The following ADAR variants were observed in gnomAD, a reference collection of about 807,000 sequenced individuals.
ADAR encodes double-stranded RNA-specific adenosine deaminase.
A neutral mutation model predicts 113.2 loss-of-function variants in ADAR; 41 were observed. The ratio of observed to expected loss-of-function variants is 0.36; its 90% CI spans 0.28 to 0.47. The LOEUF (loss-of-function observed/expected upper bound fraction) is 0.47. Among genes scored for constraint, ADAR ranks in the 20% least tolerant of loss-of-function variants. The pLI is 1.00. For synonymous variants in ADAR, 605 were observed against 572.6 expected, an observed-to-expected ratio of 1.06 and a Z score of -0.81; for missense variants, 1,242 against 1,540.9, an observed-to-expected ratio of 0.81 and a Z score of 3.25.
chr1:154,608,492 C>CTTGTTTTTT (rs1698350191), upstream of ADAR, among the ~76,000 whole-genome samples: 1 of 65,762 alleles, frequency 1.5e-5, no homozygotes, highest in African/African-American at 5.8e-5. Flanking sequence ...TCACTCCTGG[C>CTTGTTTTTT]TTTTTTTTTT....
At chr1:154,610,494 A>C (rs6699825), upstream of ADAR, among the ~76,000 whole-genome samples, 2 of 151,930 alleles carry the variant, frequency 1.3e-5, no homozygotes, top group African/African-American at 4.8e-5. Flanking sequence ...AGGCAAAACC[A>C]AACTATAGTA....
At position 154,597,956 on chromosome 1, in the gene ADAR, G is replaced by A. The variant is rs757296904; in HGVS notation, c.1806C>T (p.Pro602=). 21 of 1,613,954 alleles carry A rather than the reference G, an allele frequency of 1.3e-5. No homozygotes were observed. The highest frequency in any genetic ancestry group is 5.0e-5 in the Admixed American group (3 of 59,996). The part of the protein sequence containing the change: ...ESEKTAESQT[P]TPSATSFFSG... ...AAAAGAAGGATGTGGCTGAAGGGGT[G>A]GGGGTCTGGGACTCTGCAGTCTAGA... The change falls in exon 4 of 15, where the codon CCC becomes CCT. Residue 602 remains proline, a synonymous_variant. Transcript: ENST00000368474.
intron 1 of ADAR, among the ~76,000 whole-genome samples, chr1:154,625,643 G>T (rs1698911211): frequency 6.6e-6 from 1 of 152,204 alleles, no homozygotes; most frequent in African/African-American, 2.4e-5. Flanking sequence ...CAGATCACTT[G>T]AGGTCAGGAG....
intron 2 of ADAR, among the ~76,000 whole-genome samples, chr1:154,598,804 G>A (rs1310588619): frequency 6.6e-6 from 1 of 152,196 alleles, no homozygotes; most frequent in East Asian, 1.9e-4. Context: ...ATAGCTCAGT[G>A]AAGCAAACAT....
At chr1:154,617,429 C>T (rs182355765) in intron 1 of ADAR, among the ~76,000 whole-genome samples, 46 of 152,216 alleles carry the variant, frequency 3.0e-4, no homozygotes, top group African/African-American at 1.1e-3. Context: ...GGATTCTGCA[C>T]GAAAGTGACC....
chr1:154,600,630 C>T (rs34651139), intron 2 of ADAR: 3,333 of 275,416 alleles, frequency 0.012, 31 homozygotes, highest in South Asian at 0.018. Context: ...CACGCCACCA[C>T]GCCCAGCTAA....
chr1:154,599,402 C>T (rs547503391), intron 2 of ADAR, among the ~76,000 whole-genome samples: 2 of 152,350 alleles, frequency 1.3e-5, no homozygotes, highest in African/African-American at 4.8e-5. Flanking sequence ...AAATCCACTG[C>T]TTTCCTCCAA....
chr1:154,604,090 T>C (rs1291270004), intron 1 of ADAR, among the ~76,000 whole-genome samples: 1 of 152,224 alleles, frequency 6.6e-6, no homozygotes, highest in East Asian at 1.9e-4. Flanking sequence ...TTCCAGTGGC[T>C]GATAAACTTT....
chr1:154,589,384 CGGGAGATTATTTCTGCATGGCAG>C lies in ADAR; in HGVS notation c.2724_2746del (p.Asp908GlufsTer11). The C allele has an allele frequency of 6.2e-7, 1 of 1,614,146 alleles. No individual in the cohort carries two copies. The highest frequency in any genetic ancestry group is 8.5e-7 in the Non-Finnish European group (1 of 1,180,000). On this transcript the variant is annotated frameshift_variant, in exon 9 of 15. Coordinates refer to ENST00000368474, the MANE Select transcript of ADAR (RefSeq NM_001111.5). LOFTEE classifies it high-confidence loss of function. The stretch of plus-strand genomic sequence containing the variant: ...CCTCGCTCACCTGATGAAGCCTCTC[CGGGAGATTATTTCTGCATGGCAG>C]TCATTGACAGTTTCTCCTTTTAGGC...
In ADAR at chr1:154,598,387, C is replaced by G; in HGVS notation, c.1785+15G>C. 2.5e-6 allele frequency: 4 copies of G among 1,612,392 alleles called. No individual in the cohort carries two copies. Among genetic ancestry groups the G allele is most frequent in the Non-Finnish European group, 3.4e-6 (4 of 1,178,448 alleles). On this transcript the variant is annotated intron_variant, in intron 3 of 14. Transcript: ENST00000368474. ...ACAGGGAACTGATCCTCCCAGATGG[C>G]AGGAGGACACCTACCTTCTCTGATT... is the stretch of plus-strand genomic sequence containing the variant.
At chr1:154,627,393 T>C (rs959830110) in intron 1 of ADAR, among the ~76,000 whole-genome samples, 12 of 152,158 alleles carry the variant, frequency 7.9e-5, no homozygotes, top group African/African-American at 2.7e-4. Flanking sequence ...AAAGGGCCGG[T>C]CCTAACGCAG....
At position 154,588,532 on chromosome 1, in the gene ADAR, C is replaced by CAA. The variant is rs762694073; in HGVS notation, c.2885+17_2885+18dup. The CAA allele has an allele frequency of 1.2e-6, 2 of 1,613,118 alleles. No homozygotes were observed. Among genetic ancestry groups the CAA allele is most frequent in the Admixed American group, 3.3e-5 (2 of 60,006 alleles). On this transcript the variant is annotated intron_variant, in intron 10 of 14. Coordinates refer to ENST00000368474, the MANE Select transcript of ADAR (RefSeq NM_001111.5). ...AGCCTGGCAGGGCCCACCCTGGCAG[C>CAA]AACAGGAACTGTACAGACCTGATAT...
At chr1:154,611,509 T>A (rs1421157160), upstream of ADAR, among the ~76,000 whole-genome samples, 3 of 152,142 alleles carry the variant, frequency 2.0e-5, no homozygotes, top group East Asian at 5.8e-4. Flanking sequence ...ACGAGTTGGA[T>A]GAAAGTCTTT....
At chr1:154,613,536 C>T (rs34126801) in intron 1 of ADAR, among the ~76,000 whole-genome samples, 45,318 of 151,798 alleles carry the variant, frequency 0.3, 6,790 homozygotes, top group East Asian at 0.32. Context: ...CCGCCTGCCT[C>T]GGCCTCCAAA....
At chr1:154,599,387 C>G (rs1697716197) in intron 2 of ADAR, among the ~76,000 whole-genome samples, 1 of 152,174 alleles carries the variant, frequency 6.6e-6, no homozygotes, top group South Asian at 2.1e-4. Context: ...GAATGACTAA[C>G]CACAAAATCC....
chr1:154,599,677 C>T (rs926623290), intron 2 of ADAR, among the ~76,000 whole-genome samples: 1 of 152,240 alleles, frequency 6.6e-6, no homozygotes, highest in Non-Finnish European at 1.5e-5. Flanking sequence ...TCCCTGGCTG[C>T]AGCTGCAGCC....
In ADAR at chr1:154,586,173, C is replaced by A. The variant is rs761692405; in HGVS notation, c.3202+8G>T. ...GACCAGTTCCAGATCCCAAGGCAGG[C>A]CCCTTACCCAATGTGACAGATTTGA... On this transcript the variant is annotated splice_region_variant and intron_variant, in intron 12 of 14. Transcript: ENST00000368474. 2 of 1,613,904 alleles carry A rather than the reference C, an allele frequency of 1.2e-6. No homozygotes were observed. The highest frequency in any genetic ancestry group is 1.3e-5 in the African/African-American group (1 of 74,924).
rs145849344 is a variant in ADAR, at chr1:154,590,405, C to T, written c.2275G>A (p.Val759Ile). 6.4e-5 allele frequency: 103 copies of T among 1,614,116 alleles called. No homozygotes were observed. The highest frequency in any genetic ancestry group is 3.3e-4 in the Middle Eastern group (2 of 6,060). ...QSGPPHEPKF[V>I]YQAKVGGRWF... ...CGACCCCCAACTTTTGCTTGGTAAA[C>T]GAACCTTTGGGATGAGAAACAGAGA... Residue 759 changes from valine to isoleucine, a missense_variant, in exon 7 of 15, where the codon GTT (valine) becomes ATT (isoleucine). Coordinates refer to ENST00000368474, the MANE Select transcript of ADAR (RefSeq NM_001111.5).
At chr1:154,593,073 T>C (rs1363533712) in intron 6 of ADAR, among the ~76,000 whole-genome samples, 2 of 136,018 alleles carry the variant, frequency 1.5e-5, no homozygotes, top group Non-Finnish European at 3.0e-5. Flanking sequence ...AGGCGGAGGT[T>C]GCAGTGAGCT....
Sources: gnomAD v4.1 joint callset for allele counts (sites outside exome capture counted in the v4.1 genomes callset) on GRCh38, gnomAD v4.1.1 for gene constraint, MANE v1.5 for transcripts, NCBI Gene and HGNC (gene_info 2026-07-23, HGNC 2026-07-21) for gene names.